RIF1: variants seen among roughly 807,000 people sequenced by gnomAD.
RIF1 encodes telomere-associated protein RIF1.
Under a neutral mutation model 247.1 loss-of-function variants are expected in RIF1, and 45 were observed. The observed-to-expected ratio is 0.18, with a 90% confidence interval of 0.14 to 0.23. The LOEUF is 0.23. RIF1 is among the 10% of genes least tolerant of loss of function. RIF1 has a pLI of 1.00. For missense variants in RIF1, 2,967 were observed against 2,862.5 expected, an observed-to-expected ratio of 1.04 and a Z score of -0.83; for synonymous variants, 1,087 against 978.8, an observed-to-expected ratio of 1.11 and a Z score of -2.06.
chr2:151,461,087 A>C (rs769972425), intron 26 of RIF1, 51 bp from the exon 27 acceptor site: 5 of 1,536,130 alleles, frequency 3.3e-6, no homozygotes, highest in Non-Finnish European at 4.4e-6. Flanking sequence ...AAATATTGGA[A>C]AATAATTTGG....
intron 14 of RIF1, among the ~76,000 whole-genome samples, chr2:151,439,392 C>T (rs180925352): frequency 2.6e-5 from 4 of 152,236 alleles, no homozygotes; most frequent in East Asian, 1.9e-4. Flanking sequence ...TAGCCGGGCG[C>T]GGTGGCTCAT....
chr2:151,438,583 AATTT>A (rs1190749418), intron 13 of RIF1, 97 bp from the exon 14 acceptor site: 13 of 757,258 alleles, frequency 1.7e-5, no homozygotes, highest in Non-Finnish European at 3.1e-5. Context: ...AGTATTGTTC[AATTT>A]ATTTGTTTAA....
In RIF1 at chr2:151,440,064, T is replaced by C. The variant is rs368722441; in HGVS notation, c.1584T>C (p.Thr528=). 6.3e-7 allele frequency: 1 copy of C among 1,598,672 alleles called. No homozygotes were observed. Among genetic ancestry groups the C allele is most frequent in the South Asian group, 1.1e-5 (1 of 87,846 alleles). The change falls in exon 15 of 36, where the codon ACT becomes ACC. Residue 528 remains threonine (T), a synonymous_variant. Transcript: ENST00000444746. ...KKEKPGSEVL[T]LLLKSLESIV... ...AGAAACCAGGTTCTGAAGTTTTGAC[T>C]CTCTTATTAAAGTCTTTGGAAAGCA...
chr2:151,512,414 C>T (rs1038180678), downstream of RIF1, among the ~76,000 whole-genome samples: 4 of 151,958 alleles, frequency 2.6e-5, no homozygotes, highest in South Asian at 4.2e-4. Flanking sequence ...CAGCCTCAAC[C>T]GCCTGGGCTC....
At chr2:151,533,426 T>G in the RIF1 span, 4 of 1,514,466 alleles carry the variant, frequency 2.6e-6, no homozygotes, top group African/African-American at 5.5e-5. Context: ...CTTCTTCACA[T>G]CCCATCAGAC....
intron 13 of RIF1, chr2:151,506,843 A>C: frequency 9.6e-7 from 1 of 1,043,864 alleles, no homozygotes. Context: ...TAAGGCTAGT[A>C]TATTTTTAAA....
At chr2:151,531,730 C>T in the RIF1 span, 2 of 1,250,024 alleles carry the variant, frequency 1.6e-6, no homozygotes, top group Middle Eastern at 1.8e-4. Flanking sequence ...ATTTAAAATG[C>T]CCCTCCATGT....
intron 13 of RIF1, chr2:151,506,927 A>ATTTTC: frequency 6.2e-7 from 1 of 1,606,734 alleles, no homozygotes; most frequent in Non-Finnish European, 8.5e-7. Flanking sequence ...AATTCTTCTG[A>ATTTTC]TTTTCTTTTA....
At chr2:151,473,877 G>T (rs1270299190) in intron 34 of RIF1, 87 bp from the exon 35 acceptor site, 3 of 743,134 alleles carry the variant, frequency 4.0e-6, no homozygotes, top group African/African-American at 1.8e-5. Context: ...GTTTTCCAGT[G>T]TTTGTACTAT....
chr2:151,468,378 C>A (rs1016851476), intron 31 of RIF1, 96 bp from the exon 32 acceptor site: 1 of 1,084,320 alleles, frequency 9.2e-7, no homozygotes, highest in Non-Finnish European at 1.4e-6. Context: ...GTTTTTTGAA[C>A]TTTTAAAGAA....
chr2:151,417,821 C>G (rs868483650), intron 6 of RIF1, among the ~76,000 whole-genome samples: 2 of 152,128 alleles, frequency 1.3e-5, no homozygotes, highest in Non-Finnish European at 2.9e-5. Flanking sequence ...ATTAAGAGGA[C>G]TTACACAAAC....
rs1477754461 is a variant in RIF1 at position 151,464,220 on chromosome 2, A to G, written c.4700A>G (p.Lys1567Arg). ...GCAAAAGAAGAAGGTTCTAGGAAGA[A>G]GAGATCTGGAAAATGGAAAAACAAA... is the stretch of plus-strand genomic sequence containing the variant. ...SEAKEEGSRK[K>R]RSGKWKNKSN... Residue 1567 changes from lysine to arginine, a missense_variant, in exon 30 of 36, where the codon AAG (lysine) becomes AGG (arginine). By Grantham distance (26) the Lys-to-Arg change is conservative (BLOSUM62 2). This residue lies in a region of RIF1 where 2,028 missense variants were observed against 1,825.6 expected (regional missense o/e 1.11). Coordinates refer to ENST00000444746, the MANE Select transcript of RIF1 (RefSeq NM_018151.5). 1 of 1,613,772 alleles carries G rather than the reference A, an allele frequency of 6.2e-7. No individual in the cohort carries two copies. The highest frequency in any genetic ancestry group is 1.7e-5 in the Admixed American group (1 of 59,950).
At chr2:151,502,963 G>A in intron 11 of RIF1, 1 of 831,614 alleles carries the variant, frequency 1.2e-6, no homozygotes, top group African/African-American at 1.7e-5. Context: ...TGGGGGAAGG[G>A]GTTATATGTG....
At chr2:151,434,821 G>A (rs1329001868) in intron 10 of RIF1, among the ~76,000 whole-genome samples, 1 of 151,764 alleles carries the variant, frequency 6.6e-6, no homozygotes, top group African/African-American at 2.4e-5. Context: ...TTGGATTTTG[G>A]GGGTACATTT....
intron 24 of RIF1, 123 bp downstream of exon 24, chr2:151,458,086 T>C: frequency 3.2e-6 from 2 of 634,382 alleles, no homozygotes; most frequent in Non-Finnish European, 5.3e-6. Flanking sequence ...AGTTGAAATA[T>C]TACCATTTGG....
chr2:151,440,803 C>G (rs1163773646), intron 15 of RIF1, among the ~76,000 whole-genome samples: 1 of 152,150 alleles, frequency 6.6e-6, no homozygotes, highest in Non-Finnish European at 1.5e-5. Flanking sequence ...TGCCTAACCC[C>G]ATATGTAAAG....
downstream of RIF1, chr2:151,486,750 C>G (rs1045416604): frequency 2.6e-5 from 4 of 152,172 alleles, no homozygotes; most frequent in African/African-American, 4.8e-5. Context: ...GGACGCCATG[C>G]ACCAAGGTCA....
rs758872363 is a variant in RIF1 at position 151,454,899 on chromosome 2, A to G, written c.2349A>G (p.Pro783=). 12 of 1,592,032 alleles carry G rather than the reference A, an allele frequency of 7.5e-6. No individual in the cohort carries two copies. The highest frequency in any genetic ancestry group is 2.3e-5 in the South Asian group (2 of 87,120). Residue 783 remains proline (P), a synonymous_variant, in exon 22 of 36, where the codon CCA becomes CCG. Coordinates refer to ENST00000444746, the MANE Select transcript of RIF1 (RefSeq NM_018151.5). ...TAATTCAGTTTTTGTTTTTAGCACCACAGAGACCTTCAGATTGGTCCAAAA... is the reference window on the plus strand; with the variant it reads ...TAATTCAGTTTTTGTTTTTAGCACCGCAGAGACCTTCAGATTGGTCCAAAA... ...NIKYQPKVKS[P]QRPSDWSKKK... is the part of the protein sequence containing the mutation.
chr2:151,508,156 A>G (rs182639010), downstream of RIF1: 8 of 1,328,564 alleles, frequency 6.0e-6, no homozygotes, highest in East Asian at 2.4e-5. Context: ...CCACAGGGAT[A>G]TAGGCCAATG....
Sources: gnomAD v4.1 joint callset for allele counts (sites outside exome capture counted in the v4.1 genomes callset) on GRCh38, gnomAD v4.1.1 for gene constraint, gnomAD v4.1.1 regional missense constraint, MANE v1.5 for transcripts, NCBI Gene and HGNC (gene_info 2026-07-23, HGNC 2026-07-21) for gene names.